PRUNE2: variants seen among roughly 807,000 people sequenced by gnomAD.
The protein encoded by PRUNE2 is prune homolog 2 with BCH domain.
PRUNE2 carries 164 observed loss-of-function variants against 252.0 expected under a neutral mutation model. That is an observed-to-expected ratio of 0.65 (90% CI 0.57 to 0.74). PRUNE2 has a LOEUF of 0.74. Ranked by LOEUF, PRUNE2 falls within the 30% of genes least tolerant of loss-of-function variation. The pLI, the probability that PRUNE2 is intolerant of heterozygous loss-of-function variation, is 0.00. For missense variants in PRUNE2, 3,495 were observed against 3,711.0 expected, an observed-to-expected ratio of 0.94 and a Z score of 1.51; for synonymous variants, 1,292 against 1,350.2, an observed-to-expected ratio of 0.96 and a Z score of 0.94.
At chr9:76,647,581 T>G (rs978169934) in intron 11 of PRUNE2, among the ~76,000 whole-genome samples, 1 of 152,024 alleles carries the variant, frequency 6.6e-6, no homozygotes, top group Non-Finnish European at 1.5e-5. Context: ...AGAATGAGAA[T>G]AAGAAGACAA....
rs1355178130 is a variant in PRUNE2 at position 76,705,290 on chromosome 9, A to G, written c.6984T>C (p.His2328=). Residue 2328 remains histidine, a synonymous_variant, in exon 8 of 19, where the codon CAT becomes CAC. Coordinates refer to ENST00000376718, the MANE Select transcript of PRUNE2 (RefSeq NM_015225.3). The part of the protein sequence containing the change: ...DMSKLTLSEG[H]PETPVDGDLG... Reference sequence around the variant, plus strand: ...GGTCCCCATCAACTGGCGTTTCCGGATGGCCTTCGGATAATGTCAGTTTAC... The same window carrying G: ...GGTCCCCATCAACTGGCGTTTCCGGGTGGCCTTCGGATAATGTCAGTTTAC... 6.2e-7 allele frequency: 1 copy of G among 1,613,894 alleles called. No individual in the cohort carries two copies. The highest frequency in any genetic ancestry group is 1.7e-5 in the Admixed American group (1 of 60,008).
At chr9:76,879,377 C>A (rs2061632104) in intron 1 of PRUNE2, among the ~76,000 whole-genome samples, 3 of 152,152 alleles carry the variant, frequency 2.0e-5, no homozygotes, top group Admixed American at 6.5e-5. Flanking sequence ...TTTAGCTATG[C>A]TATACTCAAC....
chr9:76,849,178 T>G (rs1198652453), intron 3 of PRUNE2, among the ~76,000 whole-genome samples: 1 of 152,220 alleles, frequency 6.6e-6, no homozygotes, highest in Admixed American at 6.5e-5. Context: ...CCCAAAATGC[T>G]GGAATTACAG....
chr9:76,793,023 G>T lies in PRUNE2; in HGVS notation c.756+30609C>A, dbSNP rs990883346. Among the ~76,000 whole-genome samples the T allele has an allele frequency of 3.9e-5, 6 of 152,342 alleles. No individual in the cohort carries two copies. The South Asian group carries it at 1.2e-3, about 32-fold the overall frequency. On this transcript the variant is annotated intron_variant, in intron 6 of 18. Transcript: ENST00000376718. Reference sequence around the variant, plus strand: ...AACAAAACTGATGCTTAGGGCTAAAGAATTTGTCCAAAGTTAAAGTGCCAG... The same window carrying T: ...AACAAAACTGATGCTTAGGGCTAAATAATTTGTCCAAAGTTAAAGTGCCAG...
chr9:76,870,572 C>G (rs958041671), intron 1 of PRUNE2, among the ~76,000 whole-genome samples: 2 of 151,802 alleles, frequency 1.3e-5, no homozygotes, highest in Non-Finnish European at 2.9e-5. Context: ...TGTGGTCCCA[C>G]CTACTCGGGA....
chr9:76,628,330 G>A (rs1434620335), intron 16 of PRUNE2, among the ~76,000 whole-genome samples: 3 of 152,176 alleles, frequency 2.0e-5, no homozygotes. Flanking sequence ...TGCTGACGCT[G>A]ATACTGCGTT....
At position 76,644,356 on chromosome 9, in the gene PRUNE2, A is replaced by T. The variant is rs1041984228; in HGVS notation, c.8728+383T>A. The T allele has an allele frequency of 4.8e-5, 11 of 229,092 alleles. No homozygotes were observed. The Admixed American group carries it at 5.6e-4, about 12-fold the overall frequency. 14.2% of individuals were successfully genotyped at this position (229,092 alleles called of 1,614,324 possible). A position where few individuals can be genotyped will look rare whatever the true frequency, so the allele number is the denominator to read the frequency against. ...AAAAGGCCATTTTGTAATGAGAAGC[A>T]CCTCGGGGGTAGTGTTATGACACAG... is the stretch of plus-strand genomic sequence containing the variant. On this transcript the variant is annotated intron_variant, in intron 12 of 18. Transcript: ENST00000376718.
intron 9 of PRUNE2, among the ~76,000 whole-genome samples, chr9:76,684,112 A>G (rs1389640823): frequency 6.6e-6 from 1 of 152,082 alleles, no homozygotes; most frequent in Non-Finnish European, 1.5e-5. Flanking sequence ...TAAAATCTAC[A>G]TTTTTAGTAA....
chr9:76,689,717 C>T (rs1019958287), intron 9 of PRUNE2, among the ~76,000 whole-genome samples: 3 of 152,110 alleles, frequency 2.0e-5, no homozygotes, highest in South Asian at 2.1e-4. Context: ...GCTAAGACCC[C>T]TGAGTTCTGA....
At chr9:76,868,683 C>G (rs1019923785) in intron 1 of PRUNE2, among the ~76,000 whole-genome samples, 5 of 152,140 alleles carry the variant, frequency 3.3e-5, no homozygotes, top group Admixed American at 6.5e-5. Flanking sequence ...ATTGTTACGA[C>G]TTCTCAAATT....
chr9:76,701,047 T>C (rs933425737), intron 9 of PRUNE2, among the ~76,000 whole-genome samples: 2 of 152,224 alleles, frequency 1.3e-5, no homozygotes, highest in Non-Finnish European at 2.9e-5. Context: ...CGGCTGACAG[T>C]ATGTTTTAAA....
intron 4 of PRUNE2, among the ~76,000 whole-genome samples, chr9:76,844,161 T>G (rs182359759): frequency 1.3e-5 from 2 of 152,326 alleles, no homozygotes; most frequent in East Asian, 3.9e-4. Context: ...AACCATCCTT[T>G]AGTTCCGTGA....
intron 1 of PRUNE2, among the ~76,000 whole-genome samples, chr9:76,858,153 T>C (rs961540928): frequency 6.6e-6 from 1 of 152,160 alleles, no homozygotes. Flanking sequence ...ACCCCAACAA[T>C]AAAAATCTGC....
At chr9:76,851,352 C>T (rs927760671) in intron 2 of PRUNE2, among the ~76,000 whole-genome samples, 1 of 152,282 alleles carries the variant, frequency 6.6e-6, no homozygotes, top group Middle Eastern at 3.4e-3. Flanking sequence ...TCGAGACCAT[C>T]CTGGCTAACA....
intron 9 of PRUNE2, among the ~76,000 whole-genome samples, chr9:76,696,436 T>G (rs1453958119): frequency 6.6e-6 from 1 of 152,046 alleles, no homozygotes; most frequent in Non-Finnish European, 1.5e-5. Context: ...CGACTTCCAC[T>G]AGGTTTTTTG....
At chr9:76,873,937 T>C (rs2061352366) in intron 1 of PRUNE2, among the ~76,000 whole-genome samples, 1 of 152,248 alleles carries the variant, frequency 6.6e-6, no homozygotes, top group Admixed American at 6.5e-5. Context: ...AATGTTATTC[T>C]GCAGGGAACC....
intron 6 of PRUNE2, among the ~76,000 whole-genome samples, chr9:76,821,164 G>T (rs61566339): frequency 0.13 from 19,156 of 152,200 alleles, 1,315 homozygotes; most frequent in South Asian, 0.18. Context: ...ATAAAAAATA[G>T]TGAATCTGTA....
rs140523405 is a variant in PRUNE2 at position 76,866,697 on chromosome 9, G to T, written c.37-12489C>A. 2.8e-3 allele frequency among the ~76,000 whole-genome samples: 423 copies of T among 150,874 alleles called. 3 individuals are homozygous for T. The highest frequency in any genetic ancestry group is 1.0e-2 in the African/African-American group (405 of 40,538). On this transcript the variant is annotated intron_variant, in intron 1 of 18. Transcript: ENST00000376718. ...TACAAAAAAGGAAGGAAGGAAGGAA[G>T]AAAGAAAGGAAAGGAAGGAGGAAGG...
At chr9:76,900,484 T>C (rs1047954754) in intron 1 of PRUNE2, among the ~76,000 whole-genome samples, 2 of 152,162 alleles carry the variant, frequency 1.3e-5, no homozygotes, top group African/African-American at 4.8e-5. Context: ...GCTAGAGATT[T>C]TGAGTACGCT....
Sources: gnomAD v4.1 joint callset for allele counts (sites outside exome capture counted in the v4.1 genomes callset) on GRCh38, gnomAD v4.1.1 for gene constraint, MANE v1.5 for transcripts, NCBI Gene and HGNC (gene_info 2026-07-23, HGNC 2026-07-21) for gene names.